Variants in CAPZA1 observed in about 807,000 individuals in gnomAD.
The protein encoded by CAPZA1 is capping actin protein of muscle Z-line subunit alpha 1.
CAPZA1 carries 10 observed loss-of-function variants against 40.8 expected under a neutral mutation model. The observed-to-expected ratio is 0.25, with a 90% CI of 0.15 to 0.42. CAPZA1 has a LOEUF of 0.42. CAPZA1 is among the 10% of genes least tolerant of loss of function. The pLI is 1.00. For missense variants in CAPZA1, 277 were observed against 353.8 expected (o/e 0.78, Z 1.74); for synonymous variants, 98 against 115.0 (o/e 0.85, Z 0.95).
chr1:112,624,967 A>G (rs1262602921), intron 1 of CAPZA1, among the ~76,000 whole-genome samples: 1 of 152,222 alleles, frequency 6.6e-6, no homozygotes, highest in African/African-American at 2.4e-5. Flanking sequence ...CTCTTTATCT[A>G]GTGCCTAGCA....
chr1:112,645,779 T>G (rs953938724), intron 1 of CAPZA1, among the ~76,000 whole-genome samples: 5 of 150,820 alleles, frequency 3.3e-5, no homozygotes, highest in African/African-American at 9.8e-5. Flanking sequence ...CCAAAAATCT[T>G]GGAAATTAAA....
intron 6 of CAPZA1, 104 bp from the exon 7 acceptor site, chr1:112,659,597 T>C (rs1319173169): frequency 3.6e-5 from 28 of 770,434 alleles, no homozygotes; most frequent in Non-Finnish European, 2.1e-5. Flanking sequence ...TTTTTTTTTT[T>C]CTTTTTTTGC....
intron 1 of CAPZA1, chr1:112,646,720 A>G (rs1459799081): frequency 2.0e-5 from 3 of 150,654 alleles, no homozygotes; most frequent in Non-Finnish European, 3.0e-5. Flanking sequence ...TTTTTATGAT[A>G]TTGGAGTAGG....
intron 2 of CAPZA1, among the ~76,000 whole-genome samples, chr1:112,647,612 C>T (rs1429940761): frequency 6.6e-6 from 1 of 152,192 alleles, no homozygotes; most frequent in Non-Finnish European, 1.5e-5. Context: ...TAATTTTCTT[C>T]ATTGCTTTCA....
At chr1:112,624,258 T>C (rs1670751591) in intron 1 of CAPZA1, among the ~76,000 whole-genome samples, 1 of 152,090 alleles carries the variant, frequency 6.6e-6, no homozygotes, top group Non-Finnish European at 1.5e-5. Context: ...ACTTTTCTTT[T>C]CCATATAGGT....
At position 112,665,257 on chromosome 1, in the gene CAPZA1, A is replaced by G. The variant is rs951577056; in HGVS notation, c.586-1817A>G. On this transcript the variant is annotated intron_variant, in intron 7 of 9. Transcript: ENST00000263168. ...AGTGGCATGATCTTGGCTCACTGCAACCTCCGCCTCCTGGGTTCAAGCAAT... is the reference window on the plus strand; with the variant it reads ...AGTGGCATGATCTTGGCTCACTGCAGCCTCCGCCTCCTGGGTTCAAGCAAT... Among the ~76,000 whole-genome samples the G allele has an allele frequency of 4.7e-5, 7 of 147,772 alleles. No homozygotes were observed. The East Asian group carries it at 1.4e-3, about 30-fold the overall frequency.
intron 5 of CAPZA1, among the ~76,000 whole-genome samples, chr1:112,654,917 T>C (rs370567544): frequency 1.3e-5 from 2 of 152,194 alleles, no homozygotes; most frequent in Non-Finnish European, 2.9e-5. Flanking sequence ...ATTTGACTTA[T>C]GAAAAATGCC....
intron 5 of CAPZA1, among the ~76,000 whole-genome samples, chr1:112,655,823 A>G (rs1156521978): frequency 6.6e-6 from 1 of 152,132 alleles, no homozygotes; most frequent in African/African-American, 2.4e-5. Context: ...TCGGACTCCC[A>G]AAGTGCTGGG....
chr1:112,649,245 C>T (rs1267590078), intron 2 of CAPZA1, among the ~76,000 whole-genome samples, 173 bp from the exon 3 acceptor site: 1 of 152,188 alleles, frequency 6.6e-6, no homozygotes, highest in Admixed American at 6.5e-5. Context: ...CATAATTGTA[C>T]ACAAATCTGT....
chr1:112,643,524 G>T (rs888405036), intron 1 of CAPZA1, among the ~76,000 whole-genome samples: 3 of 152,178 alleles, frequency 2.0e-5, no homozygotes, highest in Admixed American at 1.3e-4. Flanking sequence ...CTTAAAAAAT[G>T]TGTAGGATTT....
rs887936156 is a variant in CAPZA1 at position 112,670,660 on chromosome 1, A to G, written c.*528A>G. ...CTTTGATCATCATTTATTGCATCTC[A>G]TAACTAATTTTCTAAAGTTTGGATT... On this transcript the variant is annotated 3_prime_UTR_variant, in exon 10 of 10. Coordinates refer to ENST00000263168, the MANE Select transcript of CAPZA1 (RefSeq NM_006135.3). 3 of 152,624 alleles carry G rather than the reference A, an allele frequency of 2.0e-5. No individual in the cohort carries two copies. Among genetic ancestry groups the G allele is most frequent in the African/African-American group, 7.2e-5 (3 of 41,450 alleles). The allele number at this position is 152,624 out of a possible 1,614,324, so 9.5% of individuals were successfully genotyped here.
At position 112,671,008 on chromosome 1, in the gene CAPZA1, T is replaced by C. The variant is rs1671820159; in HGVS notation, c.*876T>C. The C allele has an allele frequency of 3.3e-5, 5 of 152,600 alleles. No individual in the cohort carries two copies. The South Asian group carries it at 8.3e-4, about 25-fold the overall frequency. 9.5% of individuals were successfully genotyped at this position (152,600 alleles called of 1,614,324 possible). Reference sequence around the variant, plus strand: ...AATACTTTATGGCAGGATTGTACTATAAGCAAATGAATTAAACAGCTATGT... The same window carrying C: ...AATACTTTATGGCAGGATTGTACTACAAGCAAATGAATTAAACAGCTATGT... On this transcript the variant is annotated 3_prime_UTR_variant, in exon 10 of 10. Coordinates refer to ENST00000263168, the MANE Select transcript of CAPZA1 (RefSeq NM_006135.3).
In CAPZA1 at chr1:112,667,638, A is replaced by G. The variant is rs143600243; in HGVS notation, c.657+493A>G. 7.9e-5 allele frequency among the ~76,000 whole-genome samples: 12 copies of G among 152,264 alleles called. No homozygotes were observed. The East Asian group carries it at 2.3e-3, about 29-fold the overall frequency. ...AGCCTTGAGCTCCCAGGCTCAAGCG[A>G]TCCTCCCACCTCAGCCTCCCAAGTA... is the stretch of plus-strand genomic sequence containing the variant. On this transcript the variant is annotated intron_variant, in intron 8 of 9. Transcript: ENST00000263168.
intron 9 of CAPZA1, 69 bp downstream of exon 9, chr1:112,669,674 A>G (rs1671793493): frequency 2.6e-6 from 3 of 1,148,458 alleles, no homozygotes; most frequent in Non-Finnish European, 3.9e-6. Context: ...ATATTTTGTT[A>G]GGCCTTGTGT....
chr1:112,645,736 CAAAAAAA>C (rs34728417), intron 1 of CAPZA1, among the ~76,000 whole-genome samples: 1 of 107,012 alleles, frequency 9.3e-6, no homozygotes, highest in Non-Finnish European at 2.0e-5. Context: ...CTTGCCAGTG[CAAAAAAA>C]AAAAAAAAAA....
intron 5 of CAPZA1, among the ~76,000 whole-genome samples, chr1:112,655,651 C>T (rs1671484901): frequency 6.6e-6 from 1 of 152,094 alleles, no homozygotes; most frequent in Admixed American, 6.5e-5. Context: ...TCACCTCCAT[C>T]TCCTGGGTTC....
At chr1:112,648,563 G>A (rs920663723) in intron 2 of CAPZA1, among the ~76,000 whole-genome samples, 14 of 151,428 alleles carry the variant, frequency 9.2e-5, no homozygotes, top group East Asian at 2.0e-4. Flanking sequence ...TGATCCGCCT[G>A]CCTCAGCTTC....
At chr1:112,636,220 T>C (rs905187035) in intron 1 of CAPZA1, among the ~76,000 whole-genome samples, 1 of 152,108 alleles carries the variant, frequency 6.6e-6, no homozygotes, top group Non-Finnish European at 1.5e-5. Flanking sequence ...AAATGAAACT[T>C]AGGACTTTTC....
chr1:112,653,500 A>C, intron 3 of CAPZA1, 98 bp from the exon 4 acceptor site: 1 of 781,884 alleles, frequency 1.3e-6, no homozygotes. Context: ...ATTTCCTTTC[A>C]CTATTCTGTG....
Sources: allele counts gnomAD v4.1 joint callset (sites outside exome capture counted in the v4.1 genomes callset), GRCh38; gene constraint gnomAD v4.1.1; transcripts MANE v1.5; gene names NCBI Gene and HGNC (gene_info 2026-07-23, HGNC 2026-07-21).